The following SLC44A5 variants were observed in gnomAD, a reference collection of about 807,000 sequenced individuals.
SLC44A5 encodes solute carrier family 44 member 5.
A neutral mutation model predicts 101.8 loss-of-function variants in SLC44A5; 57 were observed. The observed-to-expected ratio is 0.56, with a 90% confidence interval of 0.45 to 0.70. The LOEUF is 0.70. Ranked by LOEUF, SLC44A5 falls within the 30% of genes least tolerant of loss-of-function variation. SLC44A5 has a pLI of 0.00. For synonymous variants in SLC44A5, 281 were observed against 290.9 expected (o/e 0.97, Z 0.35); for missense variants, 737 against 853.1 (o/e 0.86, Z 1.70).
chr1:75,266,906 A>G (rs917307964), intron 6 of SLC44A5, among the ~76,000 whole-genome samples: 1 of 152,222 alleles, frequency 6.6e-6, no homozygotes, highest in African/African-American at 2.4e-5. Flanking sequence ...CAGTAAATCA[A>G]GATCTTGTGC....
the SLC44A5 span, among the ~76,000 whole-genome samples, chr1:75,650,298 T>A: frequency 2.0e-5 from 3 of 152,174 alleles, no homozygotes; most frequent in Non-Finnish European, 2.9e-5. Flanking sequence ...ACAAATGGTG[T>A]TCATGAGTCA....
At chr1:75,471,513 C>T (rs1026981267) in intron 2 of SLC44A5, among the ~76,000 whole-genome samples, 1 of 152,054 alleles carries the variant, frequency 6.6e-6, no homozygotes, top group African/African-American at 2.4e-5. Flanking sequence ...CTGATCATAG[C>T]CTTTTATCTC....
At chr1:75,435,788 A>G (rs1664856276) in intron 2 of SLC44A5, among the ~76,000 whole-genome samples, 1 of 152,126 alleles carries the variant, frequency 6.6e-6, no homozygotes, top group South Asian at 2.1e-4. Flanking sequence ...TGTTATCAGC[A>G]TTCTTTCAAA....
At chr1:75,215,056 C>G (rs1052067069) in intron 19 of SLC44A5, among the ~76,000 whole-genome samples, 2 of 152,048 alleles carry the variant, frequency 1.3e-5, no homozygotes, top group Non-Finnish European at 2.9e-5. Context: ...TAAGGAAACC[C>G]AATACCTTTC....
the SLC44A5 span, among the ~76,000 whole-genome samples, chr1:75,690,423 G>T: frequency 2.6e-5 from 4 of 152,274 alleles, no homozygotes; most frequent in Admixed American, 6.5e-5. Flanking sequence ...GATGAGACTT[G>T]GGTGGGGACC....
intron 3 of SLC44A5, 72 bp from the exon 4 acceptor site, chr1:75,339,702 A>G (rs1479067338): frequency 1.5e-6 from 2 of 1,344,844 alleles, no homozygotes; most frequent in East Asian, 4.8e-5. Flanking sequence ...TAATGAAGAA[A>G]TATCTACATA....
At chr1:75,306,556 G>T (rs950473300) in intron 4 of SLC44A5, among the ~76,000 whole-genome samples, 1 of 151,010 alleles carries the variant, frequency 6.6e-6, no homozygotes, top group African/African-American at 2.4e-5. Context: ...AAAAACAAAT[G>T]CAAACAAAAA....
chr1:75,697,756 A>G, the SLC44A5 span, among the ~76,000 whole-genome samples: 2 of 152,184 alleles, frequency 1.3e-5, no homozygotes. Context: ...TCATCTCACT[A>G]GGGAGTGCCA....
the SLC44A5 span, among the ~76,000 whole-genome samples, chr1:75,649,664 A>C: frequency 6.6e-6 from 1 of 152,218 alleles, no homozygotes; most frequent in Non-Finnish European, 1.5e-5. Flanking sequence ...CAGTAAATAG[A>C]ATCAGGATCT....
intron 14 of SLC44A5, among the ~76,000 whole-genome samples, chr1:75,220,677 T>C (rs1647059256): frequency 1.3e-5 from 2 of 152,164 alleles, no homozygotes; most frequent in South Asian, 4.1e-4. Flanking sequence ...GCATCACTTC[T>C]AATGACTTCT....
chr1:75,385,334 G>A (rs1351353047), intron 3 of SLC44A5, among the ~76,000 whole-genome samples: 4 of 148,930 alleles, frequency 2.7e-5, no homozygotes, highest in Non-Finnish European at 4.4e-5. Flanking sequence ...GAAAAAAAGA[G>A]AGAAGAATCA....
chr1:75,511,859 T>G (rs1027305110), intron 2 of SLC44A5, among the ~76,000 whole-genome samples: 1 of 152,218 alleles, frequency 6.6e-6, no homozygotes, highest in African/African-American at 2.4e-5. Context: ...CAAGCCAGAC[T>G]ATTCATTAAT....
At chr1:75,467,357 G>A (rs1443915317) in intron 2 of SLC44A5, among the ~76,000 whole-genome samples, 1 of 151,994 alleles carries the variant, frequency 6.6e-6, no homozygotes, top group East Asian at 1.9e-4. Context: ...AACCACAGAG[G>A]ACCCAGAATA....
chr1:75,227,877 C>T lies in SLC44A5; in HGVS notation c.854-20G>A. The T allele has an allele frequency of 6.4e-7, 1 of 1,569,434 alleles. No individual in the cohort carries two copies. The highest frequency in any genetic ancestry group is 1.2e-5 in the South Asian group (1 of 82,842). On this transcript the variant is annotated intron_variant, in intron 12 of 23. Coordinates refer to ENST00000370859, the MANE Select transcript of SLC44A5 (RefSeq NM_001130058.2). ...ATATTCCTTGAAAAAGAAAGAAAAACAGAATAATATAAAATATGATTTTCT... is the reference window on the plus strand; with the variant it reads ...ATATTCCTTGAAAAAGAAAGAAAAATAGAATAATATAAAATATGATTTTCT...
At chr1:75,375,633 AG>A (rs1181177005) in intron 3 of SLC44A5, among the ~76,000 whole-genome samples, 8 of 152,212 alleles carry the variant, frequency 5.3e-5, no homozygotes, top group Non-Finnish European at 8.8e-5. Context: ...GAACCCCATC[AG>A]GTGAACAGTG....
chr1:75,389,471 T>C (rs1262299434), intron 3 of SLC44A5, among the ~76,000 whole-genome samples: 1 of 152,190 alleles, frequency 6.6e-6, no homozygotes, highest in Admixed American at 6.5e-5. Flanking sequence ...ACACTAGACA[T>C]ATTCTCAGAC....
intron 5 of SLC44A5, among the ~76,000 whole-genome samples, chr1:75,294,274 T>G (rs974576483): frequency 6.6e-6 from 1 of 152,090 alleles, no homozygotes; most frequent in Non-Finnish European, 1.5e-5. Flanking sequence ...GTTCCCAAAT[T>G]AGAACAACAG....
intron 4 of SLC44A5, among the ~76,000 whole-genome samples, chr1:75,320,552 G>A (rs182688966): frequency 2.6e-5 from 4 of 152,258 alleles, no homozygotes; most frequent in African/African-American, 9.6e-5. Flanking sequence ...TGTAAGTTAA[G>A]GGAGGTCAAG....
At chr1:75,337,949 G>A (rs762788575) in intron 4 of SLC44A5, among the ~76,000 whole-genome samples, 19 of 152,176 alleles carry the variant, frequency 1.2e-4, no homozygotes, top group Non-Finnish European at 2.2e-4. Context: ...AGCCAGTCCT[G>A]CTGCTAAAGG....
Sources: allele counts gnomAD v4.1 joint callset (sites outside exome capture counted in the v4.1 genomes callset), GRCh38; gene constraint gnomAD v4.1.1; transcripts MANE v1.5; gene names NCBI Gene and HGNC (gene_info 2026-07-23, HGNC 2026-07-21).